SLC25A26: variants seen among roughly 807,000 people sequenced by gnomAD.
The protein encoded by SLC25A26 is mitochondrial S-adenosylmethionine carrier protein.
SLC25A26 carries 36 observed loss-of-function variants against 37.8 expected under a neutral mutation model. The ratio of observed to expected loss-of-function variants is 0.95; its 90% CI spans 0.73 to 1.26. The LOEUF is 1.26. Ranked by LOEUF, SLC25A26 falls within the 50% of genes most tolerant of loss-of-function variation. SLC25A26 has a pLI of 0.00. For synonymous variants in SLC25A26, 129 were observed against 122.5 expected (o/e 1.05, Z -0.35); for missense variants, 390 against 331.1 (o/e 1.18, Z -1.38).
At chr3:66,175,099 ATG>A (rs202148683) in intron 1 of SLC25A26, among the ~76,000 whole-genome samples, 9,721 of 109,040 alleles carry the variant, frequency 0.089, 518 homozygotes, top group South Asian at 0.19. Flanking sequence ...GTATATGTAT[ATG>A]TGTGTGTGTA....
At chr3:66,140,324 A>C (rs1370299762) in intron 1 of SLC25A26, among the ~76,000 whole-genome samples, 1 of 152,192 alleles carries the variant, frequency 6.6e-6, no homozygotes. Context: ...TCATGTGCTC[A>C]TCCTGTGAGC....
intron 1 of SLC25A26, among the ~76,000 whole-genome samples, chr3:66,153,081 G>A (rs1206045899): frequency 2.0e-5 from 3 of 152,192 alleles, no homozygotes; most frequent in Non-Finnish European, 4.4e-5. Flanking sequence ...CTCCCCAGAG[G>A]AGGGGATTTT....
In SLC25A26 at chr3:66,180,256, T is replaced by TA. The variant is rs36158991; in HGVS notation, c.-353-40478dup. On this transcript the variant is annotated intron_variant, in intron 1 of 10. Coordinates refer to the SLC25A26 transcript ENST00000676754. Reference sequence around the variant, plus strand: ...AATTTATTTTCCTCTGAGGCTTTTTTAAAAAAAAGAACCCACACTTTTGCA... The same window carrying TA: ...AATTTATTTTCCTCTGAGGCTTTTTTAAAAAAAAAGAACCCACACTTTTGCA... 7.2e-5 allele frequency among the ~76,000 whole-genome samples: 11 copies of TA among 152,212 alleles called. No homozygotes were observed. The East Asian group carries it at 2.1e-3, about 29-fold the overall frequency.
intron 1 of SLC25A26, among the ~76,000 whole-genome samples, chr3:66,180,965 T>C (rs2070694298): frequency 6.6e-6 from 1 of 152,112 alleles, no homozygotes; most frequent in African/African-American, 2.4e-5. Context: ...GGAGTGTACA[T>C]ACACAGGAAA....
chr3:66,176,151 A>G (rs1443333119), intron 1 of SLC25A26, among the ~76,000 whole-genome samples: 1 of 152,216 alleles, frequency 6.6e-6, no homozygotes, highest in African/African-American at 2.4e-5. Flanking sequence ...TTGGTACCCT[A>G]CCCAGTTGTT....
chr3:66,242,417 C>T (rs542640335), intron 2 of SLC25A26, among the ~76,000 whole-genome samples: 7 of 152,264 alleles, frequency 4.6e-5, no homozygotes, highest in South Asian at 2.1e-4. Context: ...TTTGTTAGCA[C>T]GTGAAGATCC....
intron 1 of SLC25A26, among the ~76,000 whole-genome samples, chr3:66,203,662 G>A (rs2106817607): frequency 6.6e-6 from 1 of 152,224 alleles, no homozygotes; most frequent in East Asian, 1.9e-4. Flanking sequence ...TGTCCCTTAT[G>A]TCTAGAGAAA....
chr3:66,188,860 G>A (rs1364906497), intron 1 of SLC25A26, among the ~76,000 whole-genome samples: 3 of 151,232 alleles, frequency 2.0e-5, no homozygotes, highest in Non-Finnish European at 4.4e-5. Context: ...TGTTCGTCAC[G>A]CTGAACCTGA....
intron 1 of SLC25A26, among the ~76,000 whole-genome samples, chr3:66,214,288 G>C (rs2071329374): frequency 6.6e-6 from 1 of 152,070 alleles, no homozygotes. Context: ...ATGAATAAAA[G>C]CTTCCTGAGG....
At chr3:66,156,398 A>G (rs149862658) in intron 1 of SLC25A26, among the ~76,000 whole-genome samples, 35 of 152,296 alleles carry the variant, frequency 2.3e-4, no homozygotes, top group African/African-American at 8.2e-4. Context: ...CATTTCTCCA[A>G]TGAAGAAGAT....
chr3:66,242,301 T>C (rs1024764958), intron 2 of SLC25A26, among the ~76,000 whole-genome samples: 1 of 152,100 alleles, frequency 6.6e-6, no homozygotes, highest in Non-Finnish European at 1.5e-5. Context: ...AAAAATCACA[T>C]GAAGAAACAC....
intron 1 of SLC25A26, among the ~76,000 whole-genome samples, chr3:66,166,390 G>A (rs918855765): frequency 6.6e-6 from 1 of 152,158 alleles, no homozygotes; most frequent in Non-Finnish European, 1.5e-5. Flanking sequence ...TCTCCTTGCT[G>A]CATTTCTTTT....
chr3:66,255,362 A>C (rs1208677377), intron 3 of SLC25A26, among the ~76,000 whole-genome samples: 1 of 152,210 alleles, frequency 6.6e-6, no homozygotes, highest in East Asian at 1.9e-4. Context: ...TATTTTATTT[A>C]TGCCAAAGGA....
chr3:66,169,363 C>A (rs1421702262), intron 1 of SLC25A26, among the ~76,000 whole-genome samples: 1 of 152,146 alleles, frequency 6.6e-6, no homozygotes, highest in East Asian at 1.9e-4. Context: ...TAGACCAATC[C>A]CTTACCTGTT....
intron 1 of SLC25A26, among the ~76,000 whole-genome samples, chr3:66,215,052 G>T (rs1268233766): frequency 6.6e-6 from 1 of 152,154 alleles, no homozygotes; most frequent in Non-Finnish European, 1.5e-5. Flanking sequence ...TTGAACCTGG[G>T]AGGCAGAGGT....
At chr3:66,282,373 C>T (rs571490220) in intron 5 of SLC25A26, among the ~76,000 whole-genome samples, 11 of 152,236 alleles carry the variant, frequency 7.2e-5, no homozygotes, top group South Asian at 6.2e-4. Flanking sequence ...CTCGAACTCC[C>T]GACCTCAAGG....
At chr3:66,343,288 T>C (rs1323519314) in intron 5 of SLC25A26, among the ~76,000 whole-genome samples, 1 of 152,372 alleles carries the variant, frequency 6.6e-6, no homozygotes, top group Admixed American at 6.5e-5. Flanking sequence ...ATGTGTGTGA[T>C]ACAATTTTGA....
intron 5 of SLC25A26, chr3:66,304,551 C>T (rs1041621274): frequency 4.7e-5 from 21 of 447,382 alleles, no homozygotes; most frequent in Middle Eastern, 3.3e-4. Flanking sequence ...AGCTCTGTAA[C>T]AACCCCTGAT....
rs184135158 is a variant in SLC25A26, at chr3:66,335,212, A to G, written c.454-11152A>G. On this transcript the variant is annotated intron_variant, in intron 5 of 9. Coordinates refer to ENST00000354883, the MANE Select transcript of SLC25A26 (RefSeq NM_001379210.1). Reference sequence around the variant, plus strand: ...GTTGTGAAGCATGGCTTTTCTTTAAATGTATAAAGCAGATTATTTGTAGAT... The same window carrying G: ...GTTGTGAAGCATGGCTTTTCTTTAAGTGTATAAAGCAGATTATTTGTAGAT... Among the ~76,000 whole-genome samples, 9 of 152,314 alleles carry G rather than the reference A, an allele frequency of 5.9e-5. No individual in the cohort carries two copies. In the East Asian group the frequency reaches 1.5e-3, roughly 26 times the overall value.
Sources: allele counts gnomAD v4.1 joint callset (sites outside exome capture counted in the v4.1 genomes callset), GRCh38; gene constraint gnomAD v4.1.1; transcripts MANE v1.5; gene names NCBI Gene and HGNC (gene_info 2026-07-23, HGNC 2026-07-21).